Variants in PAM observed in about 807,000 individuals in gnomAD.
PAM encodes the protein peptidyl-glycine alpha-amidating monooxygenase.
In PAM, 72 loss-of-function variants were observed where a neutral mutation model predicts 122.1. The observed-to-expected ratio is 0.59, with a 90% CI of 0.49 to 0.72. The LOEUF is 0.72. Among genes scored for constraint, PAM ranks in the 30% least tolerant of loss-of-function variants. The probability of loss-of-function intolerance (pLI) is 0.00; values close to 1 mark genes in which losing one functional copy is unlikely to be tolerated. For missense variants in PAM, 1,106 were observed against 1,183.7 expected, an observed-to-expected ratio of 0.93 and a Z score of 0.96; for synonymous variants, 389 against 404.4, an observed-to-expected ratio of 0.96 and a Z score of 0.46.
At chr5:102,841,998 C>G (rs1778771391) in intron 1 of PAM, among the ~76,000 whole-genome samples, 1 of 151,970 alleles carries the variant, frequency 6.6e-6, no homozygotes, top group Non-Finnish European at 1.5e-5. Flanking sequence ...AATTGAGTAA[C>G]TGAAAAATGA....
At chr5:102,885,953 G>A (rs192796471) in intron 3 of PAM, among the ~76,000 whole-genome samples, 5 of 152,120 alleles carry the variant, frequency 3.3e-5, no homozygotes, top group Admixed American at 3.3e-4. Flanking sequence ...ATGTTTTCAA[G>A]TCTACTGTTG....
intron 17 of PAM, among the ~76,000 whole-genome samples, chr5:103,003,654 G>T (rs1053863144): frequency 2.0e-5 from 3 of 151,910 alleles, no homozygotes; most frequent in Non-Finnish European, 4.4e-5. Flanking sequence ...AAGTTCCCAG[G>T]TGATTTTAAT....
chr5:102,780,206 A>C (rs769767009), intron 1 of PAM, among the ~76,000 whole-genome samples: 30 of 151,930 alleles, frequency 2.0e-4, no homozygotes, highest in Non-Finnish European at 4.3e-4. Flanking sequence ...AGAACATAGC[A>C]TATATAGGAT....
intron 7 of PAM, among the ~76,000 whole-genome samples, chr5:102,934,244 T>C (rs942102783): frequency 6.6e-6 from 1 of 152,136 alleles, no homozygotes; most frequent in Non-Finnish European, 1.5e-5. Context: ...GAGACATAAA[T>C]AGCACCATCT....
chr5:102,777,033 A>G (rs1225342770), intron 1 of PAM, among the ~76,000 whole-genome samples: 2 of 151,978 alleles, frequency 1.3e-5, no homozygotes, highest in Non-Finnish European at 2.9e-5. Context: ...TCACCTTTTT[A>G]TTCTTAACTA....
At chr5:102,900,586 T>A (rs1349115442) in intron 3 of PAM, among the ~76,000 whole-genome samples, 1 of 151,626 alleles carries the variant, frequency 6.6e-6, no homozygotes, top group African/African-American at 2.4e-5. Flanking sequence ...TCATTCCAGC[T>A]CTGTGCAGTA....
chr5:102,957,523 TTTTTC>T (rs1326751708), intron 12 of PAM, among the ~76,000 whole-genome samples: 6 of 152,192 alleles, frequency 3.9e-5, no homozygotes, highest in East Asian at 1.9e-4. Context: ...TTTGCTTTTT[TTTTTC>T]TTTTCTTTTC....
intron 15 of PAM, among the ~76,000 whole-genome samples, chr5:102,976,084 T>G (rs905077884): frequency 6.6e-6 from 1 of 152,220 alleles, no homozygotes; most frequent in African/African-American, 2.4e-5. Context: ...AGTATCTGTT[T>G]AGGGAAATTT....
At position 102,924,964 on chromosome 5, in the gene PAM, G is replaced by A. The variant is rs972457576; in HGVS notation, c.364G>A (p.Asp122Asn). 5.3e-6 allele frequency: 8 copies of A among 1,513,554 alleles called. No individual in the cohort carries two copies. The African/African-American group carries it at 5.5e-5, about 10-fold the overall frequency. 93.8% of individuals were successfully genotyped at this position (1,513,554 alleles called of 1,614,324 possible). A position where few individuals can be genotyped will look rare whatever the true frequency, so the allele number is the denominator to read the frequency against. ...PSSTGSYWFC[D>N]EGTCTDKANI... ...ACTTTTTATTTTCTTCAGGTTTTGT[G>A]ATGAAGGAACCTGTACAGATAAAGC... Residue 122 changes from aspartate to asparagine, a missense_variant, in exon 6 of 26, where the codon GAT becomes AAT. Asp to Asn is a conservative substitution (Grantham distance 23, BLOSUM62 1). Coordinates refer to ENST00000438793, the MANE Select transcript of PAM (RefSeq NM_001177306.2).
chr5:102,806,235 A>C (rs1766192772), intron 1 of PAM, among the ~76,000 whole-genome samples: 2 of 152,168 alleles, frequency 1.3e-5, no homozygotes, highest in African/African-American at 4.8e-5. Context: ...GTTGTTTGAA[A>C]CAACCTTAAA....
chr5:103,028,811 A>T, intron 25 of PAM, 76 bp from the exon 26 acceptor site: 1 of 959,700 alleles, frequency 1.0e-6, no homozygotes. Context: ...TTCTGACTTT[A>T]TCATTTAAGA....
chr5:102,967,070 T>C (rs1431207468), intron 14 of PAM, among the ~76,000 whole-genome samples: 1 of 152,180 alleles, frequency 6.6e-6, no homozygotes, highest in Non-Finnish European at 1.5e-5. Context: ...GTATATTTCA[T>C]CTATTTTAGT....
chr5:102,984,125 T>C (rs1770912316), intron 15 of PAM, among the ~76,000 whole-genome samples: 1 of 151,992 alleles, frequency 6.6e-6, no homozygotes, highest in African/African-American at 2.4e-5. Context: ...GACTCAAGTG[T>C]TGCCTCTGCA....
intron 1 of PAM, among the ~76,000 whole-genome samples, chr5:102,783,050 GA>G (rs11329963): frequency 0.38 from 57,801 of 150,882 alleles, 11,641 homozygotes; most frequent in African/African-American, 0.5. Flanking sequence ...GGGCAGGAAA[GA>G]AAAAAAACTC....
At chr5:102,870,858 T>C (rs1787199912) in intron 3 of PAM, among the ~76,000 whole-genome samples, 1 of 152,178 alleles carries the variant, frequency 6.6e-6, no homozygotes, top group South Asian at 2.1e-4. Context: ...TAGCACTGTT[T>C]CTTTCTTATT....
intron 20 of PAM, among the ~76,000 whole-genome samples, chr5:103,008,247 T>C (rs1779620520): frequency 6.6e-6 from 1 of 151,790 alleles, no homozygotes; most frequent in Non-Finnish European, 1.5e-5. Flanking sequence ...TTTCTTTAAA[T>C]AATGAAAATA....
At chr5:102,995,885 C>T (rs1423596469) in intron 16 of PAM, among the ~76,000 whole-genome samples, 1 of 151,666 alleles carries the variant, frequency 6.6e-6, no homozygotes, top group East Asian at 1.9e-4. Context: ...AGTCTCTGGC[C>T]TTTGTATATC....
chr5:102,896,582 A>T (rs970119787), intron 3 of PAM, among the ~76,000 whole-genome samples: 1 of 151,668 alleles, frequency 6.6e-6, no homozygotes, highest in African/African-American at 2.4e-5. Flanking sequence ...AAAAATGTTG[A>T]TAGGGGATGG....
At chr5:102,861,850 A>G (rs139764856) in intron 1 of PAM, among the ~76,000 whole-genome samples, 101 of 152,258 alleles carry the variant, frequency 6.6e-4, no homozygotes, top group African/African-American at 2.2e-3. Flanking sequence ...AAATTTTTTA[A>G]GTTATGCCAA....
Sources: gnomAD v4.1 joint callset for allele counts (sites outside exome capture counted in the v4.1 genomes callset) on GRCh38, gnomAD v4.1.1 for gene constraint, MANE v1.5 for transcripts, NCBI Gene and HGNC (gene_info 2026-07-23, HGNC 2026-07-21) for gene names.